NTM: variants seen among roughly 807,000 people sequenced by gnomAD.
The protein encoded by NTM is neurotrimin.
A neutral mutation model predicts 42.1 loss-of-function variants in NTM; 13 were observed. The ratio of observed to expected loss-of-function variants is 0.31; its 90% CI spans 0.20 to 0.49. The LOEUF (loss-of-function observed/expected upper bound fraction) is 0.49. NTM is among the 20% of genes least tolerant of loss of function. The pLI, the probability that NTM is intolerant of heterozygous loss-of-function variation, is 0.99. For synonymous variants in NTM, 187 were observed against 179.2 expected (o/e 1.04, Z -0.35); for missense variants, 373 against 452.8 (o/e 0.82, Z 1.60).
chr11:131,663,854 C>T (rs1310060307), intron 1 of NTM, among the ~76,000 whole-genome samples: 1 of 152,128 alleles, frequency 6.6e-6, no homozygotes. Context: ...TTTTATCATC[C>T]TCTTCTTACA....
Position 131,873,648 on chromosome 11 carries a change from TAC to T in NTM, c.83-37910_83-37909del, listed in dbSNP as rs200000124. Among the ~76,000 whole-genome samples the T allele has an allele frequency of 6.7e-4, 82 of 121,518 alleles. 1 individual carries two copies. Among genetic ancestry groups the T allele is most frequent in the Middle Eastern group, 4.0e-3 (1 of 252 alleles). 79.7% of individuals were successfully genotyped at this position (121,518 alleles called of 152,430 possible). ...ACATATATATATACACATATATATA[TAC>T]ACACATATATATACACATATATATA... On this transcript the variant is annotated intron_variant, in intron 1 of 8. Transcript: ENST00000683400.
chr11:132,044,045 TG>T (rs1298384892), intron 2 of NTM, among the ~76,000 whole-genome samples: 4 of 149,790 alleles, frequency 2.7e-5, no homozygotes, highest in African/African-American at 9.7e-5. Context: ...TATATGTGTA[TG>T]GGTATGTGTG....
intron 3 of NTM, among the ~76,000 whole-genome samples, chr11:132,149,829 C>T (rs986582771): frequency 6.6e-6 from 1 of 152,126 alleles, no homozygotes; most frequent in African/African-American, 2.4e-5. Context: ...AGAACTGAGC[C>T]AAGTAGCTAC....
chr11:131,723,817 T>C (rs958404804), intron 1 of NTM, among the ~76,000 whole-genome samples: 1 of 151,922 alleles, frequency 6.6e-6, no homozygotes, highest in Non-Finnish European at 1.5e-5. Flanking sequence ...TATCTGTTTG[T>C]GTGTGTGTGC....
At chr11:131,453,070 T>C (rs768594464) in intron 1 of NTM, among the ~76,000 whole-genome samples, 62 of 152,308 alleles carry the variant, frequency 4.1e-4, no homozygotes, top group Non-Finnish European at 6.6e-4. Flanking sequence ...AAAGCAGAGA[T>C]ATTTCAGGGC....
At chr11:132,249,154 A>T (rs556893338) in intron 4 of NTM, among the ~76,000 whole-genome samples, 1 of 152,358 alleles carries the variant, frequency 6.6e-6, no homozygotes, top group East Asian at 1.9e-4. Flanking sequence ...GCCCCCTCTG[A>T]ACTGGCATCA....
chr11:131,865,804 TCACACATGCTACATA>T (rs1308054463), intron 1 of NTM, among the ~76,000 whole-genome samples: 2 of 119,348 alleles, frequency 1.7e-5, no homozygotes, highest in Admixed American at 1.6e-4. Flanking sequence ...CCTCCCACAC[TCACACATGCTACATA>T]CACACATGCT....
intron 2 of NTM, among the ~76,000 whole-genome samples, chr11:131,936,132 C>T (rs1241163601): frequency 6.6e-6 from 1 of 152,130 alleles, no homozygotes; most frequent in African/African-American, 2.4e-5. Flanking sequence ...CATGCAAAAT[C>T]ACATTCAGCA....
intron 2 of NTM, among the ~76,000 whole-genome samples, chr11:132,133,682 T>A (rs759745807): frequency 6.6e-6 from 1 of 152,160 alleles, no homozygotes; most frequent in Non-Finnish European, 1.5e-5. Flanking sequence ...ATATGTCTGA[T>A]GGTGAGAACG....
At chr11:131,614,951 C>A (rs1198052428) in intron 1 of NTM, among the ~76,000 whole-genome samples, 1 of 152,204 alleles carries the variant, frequency 6.6e-6, no homozygotes, top group Non-Finnish European at 1.5e-5. Flanking sequence ...GCTCATGCCC[C>A]CTCCATTCTG....
At chr11:131,546,696 C>T (rs2136865987) in intron 1 of NTM, 1 of 152,316 alleles carries the variant, frequency 6.6e-6, no homozygotes, top group East Asian at 1.9e-4. Context: ...AATGGAGCAA[C>T]CACATAAACG....
intron 3 of NTM, among the ~76,000 whole-genome samples, chr11:132,196,407 G>C (rs1046817536): frequency 5.3e-5 from 8 of 152,044 alleles, no homozygotes; most frequent in African/African-American, 1.9e-4. Context: ...AAAGGACTTA[G>C]AACTACCTTT....
At chr11:132,165,426 T>G (rs2075118935) in intron 3 of NTM, among the ~76,000 whole-genome samples, 1 of 152,210 alleles carries the variant, frequency 6.6e-6, no homozygotes, top group African/African-American at 2.4e-5. Context: ...TTATCCCATT[T>G]ACCTAACTTA....
chr11:131,574,917 A>G (rs2057788819), intron 1 of NTM, among the ~76,000 whole-genome samples: 2 of 151,978 alleles, frequency 1.3e-5, no homozygotes, highest in Non-Finnish European at 2.9e-5. Context: ...AATAGCAGCA[A>G]TCCTCCTGAT....
At chr11:132,316,152 TTGGTTGCATGAAA>T (rs1341710166) in intron 7 of NTM, among the ~76,000 whole-genome samples, 3 of 138,826 alleles carry the variant, frequency 2.2e-5, no homozygotes, top group African/African-American at 8.2e-5. Context: ...CTCTCCTGAC[TTGGTTGCATGAAA>T]TGGTTCAGCC....
At chr11:131,567,979 C>A (rs1236775829) in intron 1 of NTM, among the ~76,000 whole-genome samples, 10 of 152,168 alleles carry the variant, frequency 6.6e-5, no homozygotes, top group Admixed American at 6.5e-4. Context: ...ATGATGGCAT[C>A]CTTATTATTA....
At chr11:131,911,015 G>T in intron 1 of NTM, 1 of 1,019,884 alleles carries the variant, frequency 9.8e-7, no homozygotes. Flanking sequence ...CTTACAAAGT[G>T]TTGGATGTCC....
chr11:131,616,778 G>GTGT (rs1555166353), intron 1 of NTM, among the ~76,000 whole-genome samples: 8,250 of 141,770 alleles, frequency 0.058, 330 homozygotes, highest in African/African-American at 0.11. Flanking sequence ...GTCTTGAGGG[G>GTGT]GTGTGTGTGT....
intron 1 of NTM, among the ~76,000 whole-genome samples, chr11:131,886,766 C>G (rs1198597067): frequency 6.6e-6 from 1 of 152,176 alleles, no homozygotes; most frequent in Non-Finnish European, 1.5e-5. Flanking sequence ...GCTTTGCTAA[C>G]GATGTTTCTG....
Sources: gnomAD v4.1 joint callset for allele counts (sites outside exome capture counted in the v4.1 genomes callset) on GRCh38, gnomAD v4.1.1 for gene constraint, MANE v1.5 for transcripts, NCBI Gene and HGNC (gene_info 2026-07-23, HGNC 2026-07-21) for gene names.